The following TLE4 variants were observed in gnomAD, a reference collection of about 807,000 sequenced individuals.
TLE4 encodes the protein transducin-like enhancer protein 4.
In TLE4, 8 loss-of-function variants were observed where a neutral mutation model predicts 92.8. The observed-to-expected ratio is 0.09, with a 90% CI of 0.05 to 0.16. The LOEUF (loss-of-function observed/expected upper bound fraction) is 0.16. Ranked by LOEUF, TLE4 falls within the 10% of genes least tolerant of loss-of-function variation. The pLI is 1.00. For missense variants in TLE4, 675 were observed against 997.6 expected (o/e 0.68, Z 4.36); for synonymous variants, 371 against 374.1 (o/e 0.99, Z 0.10).
At chr9:79,615,664 A>G (rs1421610630) in intron 5 of TLE4, among the ~76,000 whole-genome samples, 1 of 152,154 alleles carries the variant, frequency 6.6e-6, no homozygotes, top group East Asian at 1.9e-4. Flanking sequence ...ATAGTACTGA[A>G]TGATAACTAT....
chr9:79,703,428 C>T (rs1190335812), intron 8 of TLE4, among the ~76,000 whole-genome samples: 2 of 152,204 alleles, frequency 1.3e-5, no homozygotes, highest in East Asian at 1.9e-4. Flanking sequence ...CTGTCTGAAG[C>T]TTAGTCACTA....
At chr9:79,699,143 C>A (rs76533046) in intron 8 of TLE4, among the ~76,000 whole-genome samples, 1 of 152,064 alleles carries the variant, frequency 6.6e-6, no homozygotes, top group Non-Finnish European at 1.5e-5. Flanking sequence ...TGAACATGAT[C>A]AACTCTTTGG....
chr9:79,683,177 G>GTT (rs2065088768), intron 8 of TLE4, among the ~76,000 whole-genome samples: 1 of 152,206 alleles, frequency 6.6e-6, no homozygotes, highest in South Asian at 2.1e-4. Flanking sequence ...TAGACCATCA[G>GTT]TTTAACTCCC....
intron 17 of TLE4, among the ~76,000 whole-genome samples, 191 bp from the exon 18 acceptor site, chr9:79,722,260 A>T (rs1305367233): frequency 6.6e-6 from 1 of 152,192 alleles, no homozygotes; most frequent in African/African-American, 2.4e-5. Flanking sequence ...GTCACTTTTG[A>T]CTCTGGATTA....
chr9:79,658,871 A>G (rs1276563449), intron 8 of TLE4, among the ~76,000 whole-genome samples: 2 of 152,240 alleles, frequency 1.3e-5, no homozygotes, highest in African/African-American at 2.4e-5. Flanking sequence ...TTAAGCAAAC[A>G]AAACAGTCAT....
chr9:79,676,044 A>C (rs10867409), intron 8 of TLE4, among the ~76,000 whole-genome samples: 82,854 of 151,912 alleles, frequency 0.55, 25,526 homozygotes, highest in East Asian at 0.74. Flanking sequence ...TGAACTGATT[A>C]GATAACAGGC....
intron 2 of TLE4, among the ~76,000 whole-genome samples, 192 bp from the exon 3 acceptor site, chr9:79,574,681 A>G (rs1294330505): frequency 6.6e-6 from 1 of 152,208 alleles, no homozygotes; most frequent in Non-Finnish European, 1.5e-5. Context: ...AACCACATAT[A>G]TGATCCTTAT....
At chr9:79,707,162 G>A (rs370678071) in intron 11 of TLE4, 32 of 1,612,944 alleles carry the variant, frequency 2.0e-5, no homozygotes, top group African/African-American at 2.7e-5. Context: ...ACGTCTTAGC[G>A]AAGATGAACA....
chr9:79,686,382 G>A (rs561781177), intron 8 of TLE4, among the ~76,000 whole-genome samples: 34 of 152,210 alleles, frequency 2.2e-4, no homozygotes, highest in Admixed American at 8.5e-4. Flanking sequence ...TTTCTCTTCG[G>A]GGTTGAATTG....
chr9:79,599,161 T>C (rs1177884044), intron 4 of TLE4, among the ~76,000 whole-genome samples: 1 of 152,192 alleles, frequency 6.6e-6, no homozygotes, highest in Non-Finnish European at 1.5e-5. Context: ...ATCATAACTT[T>C]CCTAGGAATT....
At chr9:79,635,722 A>G (rs1276547283) in intron 6 of TLE4, among the ~76,000 whole-genome samples, 3 of 152,190 alleles carry the variant, frequency 2.0e-5, no homozygotes, top group South Asian at 2.1e-4. Context: ...GACTGCTCCA[A>G]TCAACTGTTG....
intron 8 of TLE4, among the ~76,000 whole-genome samples, chr9:79,679,128 T>G (rs1461928557): frequency 1.3e-5 from 2 of 152,028 alleles, no homozygotes; most frequent in Admixed American, 6.6e-5. Context: ...GTCCTTTGGG[T>G]ATATACCCAG....
At chr9:79,718,632 A>C (rs2075032802) in intron 14 of TLE4, 90 bp from the exon 15 acceptor site, 1 of 1,459,250 alleles carries the variant, frequency 6.9e-7, no homozygotes, top group Non-Finnish European at 9.2e-7. Flanking sequence ...GTGGCACTGA[A>C]GGTGTTTTAT....
rs1004892741 is a variant in TLE4, at chr9:79,725,388, C to G, written c.*244C>G. 7 of 327,798 alleles carry G rather than the reference C, an allele frequency of 2.1e-5. No individual in the cohort carries two copies. Among genetic ancestry groups the G allele is most frequent in the African/African-American group, 1.5e-4 (7 of 46,566 alleles). The allele number at this position is 327,798 out of a possible 1,614,324, so 20.3% of individuals were successfully genotyped here. The stretch of plus-strand genomic sequence containing the variant: ...AAGAACATGGAATAAGCATACTTAA[C>G]AGTGAAAAGAATCTTTAATTATGTA... On this transcript the variant is annotated 3_prime_UTR_variant, in exon 20 of 20. Coordinates refer to ENST00000376552, the MANE Select transcript of TLE4 (RefSeq NM_007005.6).
intron 14 of TLE4, among the ~76,000 whole-genome samples, chr9:79,711,778 A>C (rs1299353104): frequency 1.3e-5 from 2 of 152,202 alleles, no homozygotes; most frequent in Non-Finnish European, 2.9e-5. Flanking sequence ...TAAAATGTTT[A>C]AATGTTTAAG....
intron 4 of TLE4, among the ~76,000 whole-genome samples, chr9:79,594,975 A>G (rs2043593494): frequency 6.6e-6 from 1 of 152,208 alleles, no homozygotes; most frequent in Admixed American, 6.5e-5. Context: ...AATACTATTT[A>G]TAGTTTGTGG....
chr9:79,635,411 C>CT (rs755976655), intron 6 of TLE4, among the ~76,000 whole-genome samples: 43 of 150,180 alleles, frequency 2.9e-4, no homozygotes, highest in African/African-American at 5.4e-4. Context: ...TAAACTTAGG[C>CT]TTTTTTTTTC....
intron 8 of TLE4, among the ~76,000 whole-genome samples, chr9:79,680,435 A>G (rs536236593): frequency 0.012 from 1,708 of 146,608 alleles, no homozygotes; most frequent in Admixed American, 0.03. Flanking sequence ...TTTGTCTGTT[A>G]TTGGTGTATA....
chr9:79,664,662 TCCCCCAC>T (rs1036017059), intron 8 of TLE4, among the ~76,000 whole-genome samples: 8 of 152,150 alleles, frequency 5.3e-5, no homozygotes, highest in Non-Finnish European at 1.2e-4. Flanking sequence ...TGTTAGTTAG[TCCCCCAC>T]CCCTGACCTC....
Sources: gnomAD v4.1 joint callset for allele counts (sites outside exome capture counted in the v4.1 genomes callset) on GRCh38, gnomAD v4.1.1 for gene constraint, MANE v1.5 for transcripts, NCBI Gene and HGNC (gene_info 2026-07-23, HGNC 2026-07-21) for gene names.